SPON1: variants seen among roughly 807,000 people sequenced by gnomAD.
SPON1 encodes spondin 1.
SPON1 carries 52 observed loss-of-function variants against 111.7 expected under a neutral mutation model. That is an observed-to-expected ratio of 0.47 (90% CI 0.37 to 0.59). The LOEUF (loss-of-function observed/expected upper bound fraction) is 0.59. Ranked by LOEUF, SPON1 falls within the 20% of genes least tolerant of loss-of-function variation. SPON1 has a pLI of 0.00. For missense variants in SPON1, 957 were observed against 1,068.5 expected (o/e 0.90, Z 1.46); for synonymous variants, 410 against 395.8 (o/e 1.04, Z -0.43).
At chr11:14,113,581 T>A (rs1554925661) in intron 5 of SPON1, among the ~76,000 whole-genome samples, 870 of 10,994 alleles carry the variant, frequency 0.079, 166 homozygotes, top group East Asian at 0.11. Context: ...TTTTTTTTTT[T>A]TTTTTTTTTT....
intron 2 of SPON1, among the ~76,000 whole-genome samples, chr11:14,026,871 C>T (rs1277742569): frequency 6.6e-6 from 1 of 152,136 alleles, no homozygotes; most frequent in Non-Finnish European, 1.5e-5. Flanking sequence ...CCCATTTTTC[C>T]CATTTTTGGC....
At chr11:14,239,936 G>A (rs1378663370) in intron 6 of SPON1, among the ~76,000 whole-genome samples, 2 of 152,202 alleles carry the variant, frequency 1.3e-5, no homozygotes, top group Non-Finnish European at 2.9e-5. Context: ...CAGACATTTG[G>A]AGGGCAATTT....
chr11:14,168,939 G>A (rs780659999), intron 6 of SPON1, among the ~76,000 whole-genome samples: 19 of 152,150 alleles, frequency 1.2e-4, no homozygotes, highest in East Asian at 7.7e-4. Context: ...CATTGCTATC[G>A]TTAACAGTGC....
Position 14,259,779 on chromosome 11 carries a change from C to T in SPON1, c.1831+78C>T. The T allele has an allele frequency of 1.4e-6, 2 of 1,453,766 alleles. No individual in the cohort carries two copies. Among genetic ancestry groups the T allele is most frequent in the Non-Finnish European group, 1.9e-6 (2 of 1,077,604 alleles). The allele number at this position is 1,453,766 out of a possible 1,614,324, so 90.1% of individuals were successfully genotyped here. ...GGGCCATGGCATCCACTATTACCAC[C>T]ATAAAGGTCGGAGGCTGAGCAGAGG... On this transcript the variant is annotated intron_variant, in intron 13 of 15. Transcript: ENST00000576479. This position sits in a 1 kb window ranked among gnomAD's most constrained non-coding sequence, Gnocchi z 5.0.
intron 6 of SPON1, among the ~76,000 whole-genome samples, chr11:14,213,111 G>A (rs1848592310): frequency 6.6e-6 from 1 of 152,206 alleles, no homozygotes; most frequent in Non-Finnish European, 1.5e-5. Flanking sequence ...TGGAAACAGA[G>A]ATGCTGACAA....
At position 13,962,752 on chromosome 11, in the gene SPON1, C is replaced by G; in HGVS notation, c.-153C>G. The G allele has an allele frequency of 1.5e-6, 1 of 680,954 alleles. No homozygotes were observed. 42.2% of individuals were successfully genotyped at this position (680,954 alleles called of 1,614,324 possible). A position where few individuals can be genotyped will look rare whatever the true frequency, so the allele number is the denominator to read the frequency against. On this transcript the variant is annotated 5_prime_UTR_variant, in exon 1 of 16. Coordinates refer to ENST00000576479, the MANE Select transcript of SPON1 (RefSeq NM_006108.4). ...CAGCGCAGCTCCGCGGCCGCCAAGC[C>G]GAGGCGGGCACGGTCTCCGAGTCGC...
intron 4 of SPON1, among the ~76,000 whole-genome samples, chr11:14,077,673 TAG>T (rs1848928652): frequency 6.6e-6 from 1 of 151,898 alleles, no homozygotes; most frequent in African/African-American, 2.4e-5. Context: ...AAGATCTAAA[TAG>T]AGATTTGCCA....
intron 6 of SPON1, among the ~76,000 whole-genome samples, chr11:14,233,181 C>T (rs1848822261): frequency 6.6e-6 from 1 of 152,178 alleles, no homozygotes; most frequent in Non-Finnish European, 1.5e-5. Flanking sequence ...TCCTACATGA[C>T]ACCTCCTTTT....
Position 14,243,403 on chromosome 11 carries a change from A to G in SPON1, c.890+7A>G, listed in dbSNP as rs1554939907. ...CCTGGCAGCCTCTCAACGTGTAAGT[A>G]ACACAAGTCCCTTGCCTGGCCTGTC... is the stretch of plus-strand genomic sequence containing the variant. On this transcript the variant is annotated splice_region_variant and intron_variant, in intron 7 of 15. Coordinates refer to ENST00000576479, the MANE Select transcript of SPON1 (RefSeq NM_006108.4). 1 of 1,566,512 alleles carries G rather than the reference A, an allele frequency of 6.4e-7. No homozygotes were observed.
chr11:14,049,459 C>T (rs1848692763), intron 3 of SPON1, among the ~76,000 whole-genome samples: 1 of 152,144 alleles, frequency 6.6e-6, no homozygotes, highest in African/African-American at 2.4e-5. Context: ...GGCTCCCCAG[C>T]ACCTTCAGAT....
chr11:14,006,827 G>A (rs1446496086), intron 2 of SPON1, among the ~76,000 whole-genome samples: 4 of 152,182 alleles, frequency 2.6e-5, no homozygotes, highest in Non-Finnish European at 4.4e-5. Flanking sequence ...TTTCAGTGCA[G>A]ATTGGCCAGT....
intron 6 of SPON1, among the ~76,000 whole-genome samples, chr11:14,198,411 T>G (rs1554935286): frequency 6.6e-6 from 1 of 152,244 alleles, no homozygotes; most frequent in African/African-American, 2.4e-5. Context: ...TGCCTCTTGT[T>G]TTTGATACTG....
At chr11:14,013,083 A>G (rs1241988488) in intron 2 of SPON1, among the ~76,000 whole-genome samples, 1 of 152,120 alleles carries the variant, frequency 6.6e-6, no homozygotes, top group African/African-American at 2.4e-5. Flanking sequence ...CATGTTACTA[A>G]ATCACTTTGC....
At position 14,135,180 on chromosome 11, in the gene SPON1, T is replaced by C; in HGVS notation, c.677-240T>C. On this transcript the variant is annotated intron_variant, in intron 5 of 15. Coordinates refer to ENST00000576479, the MANE Select transcript of SPON1 (RefSeq NM_006108.4). The surrounding 1 kb of genome is among the most constrained non-coding windows in gnomAD (Gnocchi z 4.4). ...CTGAGACCTTCCTAGACAGAACGCA[T>C]CTCTGGGCTGCCTCTGCGTCTTGTT... The C allele has an allele frequency of 2.4e-6, 1 of 417,756 alleles. No homozygotes were observed. Among genetic ancestry groups the C allele is most frequent in the Non-Finnish European group, 4.3e-6 (1 of 231,012 alleles). 25.9% of individuals were successfully genotyped at this position (417,756 alleles called of 1,614,324 possible).
chr11:14,044,733 C>T (rs1024803449), intron 3 of SPON1, among the ~76,000 whole-genome samples: 1 of 152,168 alleles, frequency 6.6e-6, no homozygotes, highest in African/African-American at 2.4e-5. Flanking sequence ...TTTACATTCA[C>T]GAAGGTAATC....
intron 6 of SPON1, among the ~76,000 whole-genome samples, chr11:14,180,115 C>T (rs891553747): frequency 6.6e-6 from 1 of 152,164 alleles, no homozygotes; most frequent in Admixed American, 6.5e-5. Context: ...AGGTGACCAA[C>T]CATCCCAGTT....
intron 6 of SPON1, among the ~76,000 whole-genome samples, chr11:14,196,259 G>A (rs1338713932): frequency 6.6e-6 from 1 of 152,164 alleles, no homozygotes; most frequent in Non-Finnish European, 1.5e-5. Flanking sequence ...GAAACGTCCA[G>A]CATAGAGAAA....
At chr11:14,001,668 C>A (rs1848320102) in intron 2 of SPON1, among the ~76,000 whole-genome samples, 1 of 152,194 alleles carries the variant, frequency 6.6e-6, no homozygotes. Flanking sequence ...AGTATAACAA[C>A]AGTGGATTAC....
chr11:14,200,454 T>C (rs1554935492), intron 6 of SPON1, among the ~76,000 whole-genome samples: 1 of 152,170 alleles, frequency 6.6e-6, no homozygotes, highest in Non-Finnish European at 1.5e-5. Flanking sequence ...AATTAACTTC[T>C]ATAAAGATTT....
Sources: allele counts gnomAD v4.1 joint callset (sites outside exome capture counted in the v4.1 genomes callset), GRCh38; gene constraint gnomAD v4.1.1; non-coding constraint Gnocchi (gnomAD v3.1); transcripts MANE v1.5; gene names NCBI Gene and HGNC (gene_info 2026-07-23, HGNC 2026-07-21).